Variants in ADAM10 observed in about 807,000 individuals in gnomAD.
ADAM10 encodes disintegrin and metalloproteinase domain-containing protein 10.
A neutral mutation model predicts 90.1 loss-of-function variants in ADAM10; 17 were observed. The observed-to-expected ratio is 0.19, with a 90% CI of 0.13 to 0.28. ADAM10 has a LOEUF of 0.28. Ranked by LOEUF, ADAM10 falls within the 10% of genes least tolerant of loss-of-function variation. The pLI is 1.00. For synonymous variants in ADAM10, 310 were observed against 298.6 expected (o/e 1.04, Z -0.40); for missense variants, 610 against 914.3 (o/e 0.67, Z 4.29).
intron 2 of ADAM10, chr15:58,691,450 T>C (rs767703391): frequency 2.6e-5 from 17 of 655,078 alleles, no homozygotes; most frequent in Admixed American, 2.4e-4. Flanking sequence ...ATGTCACAGA[T>C]GGACTTCTGT....
chr15:58,728,942 T>TA (rs1238689191), intron 1 of ADAM10, among the ~76,000 whole-genome samples: 1 of 152,200 alleles, frequency 6.6e-6, no homozygotes, highest in African/African-American at 2.4e-5. Flanking sequence ...CCACAGGTCT[T>TA]AAAAGAACAT....
At chr15:58,654,796 A>C (rs1896769824) in intron 5 of ADAM10, among the ~76,000 whole-genome samples, 1 of 152,204 alleles carries the variant, frequency 6.6e-6, no homozygotes, top group African/African-American at 2.4e-5. Flanking sequence ...GTGATTGTAT[A>C]GTTTCAAAGA....
At chr15:58,711,631 A>G (rs1898475783) in intron 2 of ADAM10, among the ~76,000 whole-genome samples, 2 of 152,234 alleles carry the variant, frequency 1.3e-5, no homozygotes, top group Admixed American at 1.3e-4. Context: ...TATCAAAGAC[A>G]GTCAAGTTAG....
chr15:58,669,707 T>C (rs968388357), intron 4 of ADAM10, among the ~76,000 whole-genome samples: 14 of 152,154 alleles, frequency 9.2e-5, no homozygotes, highest in Admixed American at 3.3e-4. Flanking sequence ...CTTAATTTTG[T>C]CTGTAATAAC....
intron 1 of ADAM10, among the ~76,000 whole-genome samples, chr15:58,720,881 G>A (rs1307935225): frequency 6.6e-6 from 1 of 152,148 alleles, no homozygotes; most frequent in East Asian, 1.9e-4. Flanking sequence ...AATTTCCACT[G>A]GATTACTGAA....
intron 5 of ADAM10, among the ~76,000 whole-genome samples, chr15:58,663,585 T>C (rs1281051012): frequency 6.6e-6 from 1 of 152,190 alleles, no homozygotes; most frequent in East Asian, 1.9e-4. Context: ...CATTGAGTGT[T>C]GTGAATAAGC....
At position 58,627,755 on chromosome 15, in the gene ADAM10, A is replaced by G; in HGVS notation, c.1305T>C (p.Cys435=). 6.2e-7 allele frequency: 1 copy of G among 1,613,528 alleles called. No homozygotes were observed. The highest frequency in any genetic ancestry group is 8.5e-7 in the Non-Finnish European group (1 of 1,179,604). The stretch of plus-strand genomic sequence containing the variant: ...GAACTTGGCTTATATTTCTAATACT[A>G]CAGAGTGAGAATTTATTGTTGTTAA... ...DKLNNNKFSL[C]SIRNISQVLE... is the part of the protein sequence containing the mutation. Residue 435 remains cysteine, a synonymous_variant, in exon 10 of 16, where the codon TGT becomes TGC. Coordinates refer to ENST00000260408, the MANE Select transcript of ADAM10 (RefSeq NM_001110.4).
At chr15:58,726,567 C>A (rs71478690) in intron 1 of ADAM10, among the ~76,000 whole-genome samples, 883 of 20,974 alleles carry the variant, frequency 0.042, 52 homozygotes, top group South Asian at 0.19. Context: ...CTCAGTCTCC[C>A]AAAAAAAAAA....
intron 2 of ADAM10, among the ~76,000 whole-genome samples, chr15:58,710,723 T>A (rs1158773152): frequency 6.6e-6 from 1 of 152,234 alleles, no homozygotes; most frequent in Non-Finnish European, 1.5e-5. Context: ...CAGTATTTTT[T>A]AAATTTTTGT....
At chr15:58,664,739 C>CG (rs1173244584) in intron 5 of ADAM10, among the ~76,000 whole-genome samples, 2 of 152,006 alleles carry the variant, frequency 1.3e-5, no homozygotes, top group Non-Finnish European at 2.9e-5. Context: ...TGACACACAA[C>CG]GTTCAGTGTT....
chr15:58,674,068 C>T (rs1424794320), intron 4 of ADAM10, among the ~76,000 whole-genome samples: 1 of 151,988 alleles, frequency 6.6e-6, no homozygotes, highest in African/African-American at 2.4e-5. Flanking sequence ...TTTAACTTTC[C>T]AATTTAGTAT....
chr15:58,696,462 C>CTTTTTTTTTTTTTT lies in ADAM10; in HGVS notation c.207-14149_207-14148insAAAAAAAAAAAAAA, dbSNP rs1430575266. Among the ~76,000 whole-genome samples, 4 of 139,296 alleles carry CTTTTTTTTTTTTTT rather than the reference C, an allele frequency of 2.9e-5. 2 individuals carry two copies. Among genetic ancestry groups the CTTTTTTTTTTTTTT allele is most frequent in the Non-Finnish European group, 6.2e-5 (4 of 64,478 alleles). The allele number at this position is 139,296 out of a possible 152,430, so 91.4% of individuals were successfully genotyped here. The stretch of plus-strand genomic sequence containing the variant: ...TTGATACTGATTTCTTTTTTTCTTT[C>CTTTTTTTTTTTTTT]TTTCTTTTTTTTTTTTTCCCAAGAT... On this transcript the variant is annotated intron_variant, in intron 2 of 15. Coordinates refer to ENST00000260408, the MANE Select transcript of ADAM10 (RefSeq NM_001110.4).
At chr15:58,682,495 T>C in intron 2 of ADAM10, among the ~76,000 whole-genome samples, 181 bp from the exon 3 acceptor site, 1 of 152,168 alleles carries the variant, frequency 6.6e-6, no homozygotes, top group East Asian at 1.9e-4. Context: ...TTAGTAGCTG[T>C]GGTAGGACTC....
At chr15:58,668,440 CTT>C (rs1171334270) in intron 4 of ADAM10, among the ~76,000 whole-genome samples, 4 of 152,120 alleles carry the variant, frequency 2.6e-5, no homozygotes, top group Admixed American at 6.5e-5. Flanking sequence ...ATGCGAATCT[CTT>C]TTCCTTTCTT....
chr15:58,646,246 A>G (rs1359169061), intron 5 of ADAM10, 42 bp from the exon 6 acceptor site: 1 of 1,575,956 alleles, frequency 6.3e-7, no homozygotes, highest in Admixed American at 1.7e-5. Flanking sequence ...GTATGCTTCA[A>G]TACTATCATT....
At chr15:58,633,876 T>C (rs28722857) in intron 8 of ADAM10, among the ~76,000 whole-genome samples, 21,151 of 78,112 alleles carry the variant, frequency 0.27, 1,800 homozygotes, top group South Asian at 0.43. Flanking sequence ...TTTGTAAAAA[T>C]AGAAAATAAT....
At chr15:58,710,563 G>C (rs1267795434) in intron 2 of ADAM10, among the ~76,000 whole-genome samples, 1 of 152,058 alleles carries the variant, frequency 6.6e-6, no homozygotes, top group African/African-American at 2.4e-5. Flanking sequence ...CCATATCCTA[G>C]AAAATCCAAT....
chr15:58,745,955 T>C (rs1899777502), intron 1 of ADAM10, among the ~76,000 whole-genome samples: 1 of 152,186 alleles, frequency 6.6e-6, no homozygotes, highest in Non-Finnish European at 1.5e-5. Context: ...TTTTTCAATG[T>C]TAATCATTAG....
intron 5 of ADAM10, among the ~76,000 whole-genome samples, chr15:58,656,973 G>C (rs1354435516): frequency 6.6e-6 from 1 of 152,062 alleles, no homozygotes; most frequent in Non-Finnish European, 1.5e-5. Flanking sequence ...TACTGCTATA[G>C]GATAAAAAAT....
Sources: allele counts gnomAD v4.1 joint callset (sites outside exome capture counted in the v4.1 genomes callset), GRCh38; gene constraint gnomAD v4.1.1; transcripts MANE v1.5; gene names NCBI Gene and HGNC (gene_info 2026-07-23, HGNC 2026-07-21).